HNF1B: variants seen among roughly 807,000 people sequenced by gnomAD.
The protein encoded by HNF1B is HNF1 homeobox B.
A neutral mutation model predicts 61.7 loss-of-function variants in HNF1B; 8 were observed. The ratio of observed to expected loss-of-function variants is 0.13; its 90% CI spans 0.08 to 0.23. The LOEUF (loss-of-function observed/expected upper bound fraction) is 0.23. HNF1B is among the 10% of genes least tolerant of loss of function. HNF1B has a pLI of 1.00. For missense variants in HNF1B, 562 were observed against 714.5 expected (o/e 0.79, Z 2.43); for synonymous variants, 314 against 287.7 (o/e 1.09, Z -0.93).
intron 6 of HNF1B, 103 bp from the exon 7 acceptor site, chr17:37,701,280 G>C: frequency 7.0e-6 from 8 of 1,137,870 alleles, no homozygotes; most frequent in Non-Finnish European, 1.0e-5. Flanking sequence ...TCACCGGGCT[G>C]AGCCTGTTAC....
In HNF1B at chr17:37,698,437, C is replaced by T. The variant is rs535678552; in HGVS notation, c.1653+639G>A. ...TTCAGAGGTGGGACTTAGTCATCAACTGAAACAGTGACTAAGCCTCTGGAT... is the reference window on the plus strand; with the variant it reads ...TTCAGAGGTGGGACTTAGTCATCAATTGAAACAGTGACTAAGCCTCTGGAT... On this transcript the variant is annotated intron_variant, in intron 8 of 8. Transcript: ENST00000617811. 5.3e-5 allele frequency among the ~76,000 whole-genome samples: 8 copies of T among 152,296 alleles called. No individual in the cohort carries two copies. The South Asian group carries it at 1.2e-3, about 24-fold the overall frequency.
rs747280469 is a variant in HNF1B, at chr17:37,704,909, G to C, written c.1339+8C>G. ...CCCCCAAGTTTTCCAACCAAGAATAGAACTTACTTTGTGCAATTGCCATGA... is the reference window on the plus strand; with the variant it reads ...CCCCCAAGTTTTCCAACCAAGAATACAACTTACTTTGTGCAATTGCCATGA... On this transcript the variant is annotated splice_region_variant and intron_variant, in intron 6 of 8. Transcript: ENST00000617811. The C allele has an allele frequency of 7.4e-6, 12 of 1,614,086 alleles. No individual in the cohort carries two copies. The highest frequency in any genetic ancestry group is 1.7e-5 in the Admixed American group (1 of 60,028).
chr17:37,693,096 G>A (rs575440673), intron 8 of HNF1B, among the ~76,000 whole-genome samples: 6 of 151,486 alleles, frequency 4.0e-5, no homozygotes, highest in South Asian at 2.1e-4. Flanking sequence ...AGGCTGAGGC[G>A]GGAGAATTGC....
chr17:37,732,859 T>A (rs201463805), intron 3 of HNF1B, among the ~76,000 whole-genome samples: 5 of 151,732 alleles, frequency 3.3e-5, no homozygotes, highest in Non-Finnish European at 7.4e-5. Flanking sequence ...GTTTTTTTTT[T>A]AAATAGAGAT....
chr17:37,733,444 G>C, intron 3 of HNF1B, 113 bp downstream of exon 3: 2 of 1,241,750 alleles, frequency 1.6e-6, no homozygotes, highest in Non-Finnish European at 2.4e-6. Context: ...GAGAAGCTCT[G>C]ATTTAGCCAC....
At chr17:37,691,176 G>T (rs1213250647) in intron 8 of HNF1B, among the ~76,000 whole-genome samples, 1 of 152,188 alleles carries the variant, frequency 6.6e-6, no homozygotes, top group African/African-American at 2.4e-5. Flanking sequence ...GGAGGGGATC[G>T]TGAGCTGGAC....
Position 37,731,675 on chromosome 17 carries a change from T to G in HNF1B, c.965A>C (p.Gln322Pro). The change falls in exon 4 of 9, where the codon CAG becomes CCG. Residue 322 changes from glutamine (Q) to proline (P), a missense_variant. By Grantham distance (76) the Gln-to-Pro change is moderately conservative (BLOSUM62 -1). This residue lies in a region of HNF1B where 211 missense variants were observed against 200.7 expected (regional missense o/e 1.05). Coordinates refer to ENST00000617811, the MANE Select transcript of HNF1B (RefSeq NM_000458.4). ...GAGCAGAGGGTTCAGGCTGTGAGTC[T>G]GGTTGGAGCTATAGGCGTCCATGGC... is the stretch of plus-strand genomic sequence containing the variant. ...KLAMDAYSSN[Q>P]THSLNPLLSH... 1 of 1,614,166 alleles carries G rather than the reference T, an allele frequency of 6.2e-7. No individual in the cohort carries two copies. The highest frequency in any genetic ancestry group is 8.5e-7 in the Non-Finnish European group (1 of 1,180,020).
Position 37,733,580 on chromosome 17 carries a change from C to A in HNF1B, c.786G>T (p.Glu262Asp). 1 of 1,614,124 alleles carries A rather than the reference C, an allele frequency of 6.2e-7. No individual in the cohort carries two copies. The highest frequency in any genetic ancestry group is 8.5e-7 in the Non-Finnish European group (1 of 1,180,026). ...ACCTGTTGCATTCCTCCACTAAGGCCTCTCTCTCTTCCTTGCTGGGGTTCT... is the reference window on the plus strand; with the variant it reads ...ACCTGTTGCATTCCTCCACTAAGGCATCTCTCTCTTCCTTGCTGGGGTTCT... ...RQKNPSKEEREALVEECNRAE... is the reference protein window; with the variant it reads ...RQKNPSKEERDALVEECNRAE... Residue 262 changes from glutamate to aspartate, a missense_variant, in exon 3 of 9, where the codon GAG (glutamate) becomes GAT (aspartate). Physicochemically the swap from Glu to Asp is conservative, Grantham distance 45. Coordinates refer to ENST00000617811, the MANE Select transcript of HNF1B (RefSeq NM_000458.4).
chr17:37,744,923 T>TGGGGGGGGGG lies in HNF1B; in HGVS notation c.-40_-39insCCCCCCCCCC. On this transcript the variant is annotated 5_prime_UTR_variant, in exon 1 of 9. Coordinates refer to ENST00000617811, the MANE Select transcript of HNF1B (RefSeq NM_000458.4). ...AAAAAGAAGGGGGTGAGGGGGTGGG[T>TGGGGGGGGGG]GGGTGCGAGAGAGGAGGGTGGAGGG... 1 of 357,098 alleles carries TGGGGGGGGGG rather than the reference T, an allele frequency of 2.8e-6. No individual in the cohort carries two copies. The highest frequency in any genetic ancestry group is 4.1e-5 in the African/African-American group (1 of 24,586). 22.1% of individuals were successfully genotyped at this position (357,098 alleles called of 1,614,324 possible).
At chr17:37,707,049 T>C (rs546609888) in intron 5 of HNF1B, among the ~76,000 whole-genome samples, 4 of 152,298 alleles carry the variant, frequency 2.6e-5, no homozygotes, top group Admixed American at 2.6e-4. Context: ...TTAAATCTTA[T>C]TCACTTACTA....
chr17:37,709,386 A>G (rs911654455), intron 5 of HNF1B, among the ~76,000 whole-genome samples: 1 of 151,822 alleles, frequency 6.6e-6, no homozygotes, highest in African/African-American at 2.4e-5. Flanking sequence ...AGTAGCTGGG[A>G]TTACAGGTGC....
At chr17:37,688,577 G>A (rs1029963969) in intron 8 of HNF1B, among the ~76,000 whole-genome samples, 16 of 152,318 alleles carry the variant, frequency 1.1e-4, no homozygotes, top group African/African-American at 2.9e-4. Flanking sequence ...AGAACTAGGA[G>A]AGTGTGGAGC....
intron 8 of HNF1B, among the ~76,000 whole-genome samples, chr17:37,694,221 A>T (rs1033821397): frequency 6.6e-6 from 1 of 152,160 alleles, no homozygotes; most frequent in African/African-American, 2.4e-5. Flanking sequence ...TGAGGTCAGG[A>T]GTTCGAGACC....
At chr17:37,737,285 G>A (rs562097188) in intron 2 of HNF1B, among the ~76,000 whole-genome samples, 1 of 152,132 alleles carries the variant, frequency 6.6e-6, no homozygotes, top group African/African-American at 2.4e-5. Context: ...AGCCTCCCAT[G>A]ATGTCTCCAG....
intron 2 of HNF1B, among the ~76,000 whole-genome samples, chr17:37,738,641 CTT>C (rs1453922264): frequency 2.6e-5 from 4 of 152,218 alleles, no homozygotes; most frequent in Non-Finnish European, 2.9e-5. Context: ...CATTCCTACT[CTT>C]GTTATTCATA....
chr17:37,742,842 AG>A (rs2034037374), intron 1 of HNF1B, among the ~76,000 whole-genome samples: 1 of 150,926 alleles, frequency 6.6e-6, no homozygotes, highest in Non-Finnish European at 1.5e-5. Flanking sequence ...GTGAGGCCGC[AG>A]GGCCGCACGG....
rs75790045 is a variant in HNF1B, at chr17:37,715,810, G to T, written c.1046-5147C>A. Among the ~76,000 whole-genome samples, 822 of 152,262 alleles carry T rather than the reference G, an allele frequency of 5.4e-3. 18 individuals carry two copies. In the East Asian group the frequency reaches 0.059, roughly 11 times the overall value. On this transcript the variant is annotated intron_variant, in intron 4 of 8. Transcript: ENST00000617811. ...ACTATTTAACGGGTATAAAACTCTGGTAATCTTTTTATTGGATTCTTATCT... is the reference window on the plus strand; with the variant it reads ...ACTATTTAACGGGTATAAAACTCTGTTAATCTTTTTATTGGATTCTTATCT...
At chr17:37,716,120 G>A (rs910500737) in intron 4 of HNF1B, among the ~76,000 whole-genome samples, 18 of 152,204 alleles carry the variant, frequency 1.2e-4, no homozygotes, top group Admixed American at 4.6e-4. Context: ...CTGCACTCCA[G>A]CCTGGGTGAC....
At chr17:37,727,828 C>T (rs186895474) in intron 4 of HNF1B, among the ~76,000 whole-genome samples, 1 of 152,090 alleles carries the variant, frequency 6.6e-6, no homozygotes, top group Non-Finnish European at 1.5e-5. Flanking sequence ...AGCTTCGTCT[C>T]CAAGGTGCTG....
Sources: allele counts gnomAD v4.1 joint callset (sites outside exome capture counted in the v4.1 genomes callset), GRCh38; gene constraint gnomAD v4.1.1; regional missense constraint gnomAD v4.1.1; transcripts MANE v1.5; gene names NCBI Gene and HGNC (gene_info 2026-07-23, HGNC 2026-07-21).